The following ZNF799 variants were observed in gnomAD, a reference collection of about 807,000 sequenced individuals.
ZNF799 encodes the protein zinc finger protein 14.
A neutral mutation model predicts 41.0 loss-of-function variants in ZNF799; 28 were observed. The observed-to-expected ratio is 0.68, with a 90% CI of 0.51 to 0.94. The LOEUF is 0.94. Ranked by LOEUF, ZNF799 falls within the 40% of genes least tolerant of loss-of-function variation. The probability of loss-of-function intolerance (pLI) is 0.00; values close to 1 mark genes in which losing one functional copy is unlikely to be tolerated. For synonymous variants in ZNF799, 213 were observed against 252.9 expected, an observed-to-expected ratio of 0.84 and a Z score of 1.50; for missense variants, 716 against 764.3, an observed-to-expected ratio of 0.94 and a Z score of 0.74.
Position 12,390,875 on chromosome 19 carries a change from G to T in ZNF799, c.1523C>A (p.Thr508Lys), listed in dbSNP as rs562148701. 3.7e-5 allele frequency: 60 copies of T among 1,613,786 alleles called. No homozygotes were observed. The East Asian group carries it at 1.3e-3, about 36-fold the overall frequency. ...HTGEKPYECN[T>K]CKKAFSHFGN... ...AAAATGACTGAAGGCTTTCTTACAT[G>T]TGTTACACTCATAAGGTTTCTCTCC... The change falls in exon 4 of 4, where the codon ACA becomes AAA. Residue 508 changes from threonine (T) to lysine (K), a missense_variant. Coordinates refer to ENST00000430385, the MANE Select transcript of ZNF799 (RefSeq NM_001080821.3).
chr19:12,404,442 A>T (rs556289333), upstream of ZNF799, among the ~76,000 whole-genome samples: 47 of 150,464 alleles, frequency 3.1e-4, 1 homozygote, highest in South Asian at 8.7e-3. Context: ...TTTTATTTTT[A>T]TTTTTTTTTG....
chr19:12,408,550 T>C, the ZNF799 span, among the ~76,000 whole-genome samples: 1 of 152,090 alleles, frequency 6.6e-6, no homozygotes, highest in African/African-American at 2.4e-5. Context: ...TTAAATACAA[T>C]GGTATAAAGA....
At chr19:12,393,899 C>G (rs965339601) in intron 1 of ZNF799, 9 of 266,464 alleles carry the variant, frequency 3.4e-5, no homozygotes, top group African/African-American at 1.9e-4. Context: ...GTGGAGTGTG[C>G]CTAAATTGTT....
In ZNF799 at chr19:12,391,358, T is replaced by A. The variant is rs1309390586; in HGVS notation, c.1040A>T (p.Asp347Val). 1.9e-6 allele frequency: 3 copies of A among 1,613,862 alleles called. No homozygotes were observed. Among genetic ancestry groups the A allele is most frequent in the Non-Finnish European group, 1.7e-6 (2 of 1,179,988 alleles). ...ATGACTTTTCAGTGAACTAGGACAA[T>A]CAAAGCCTTTTCCACATATCTTACA... ...HKCKICGKGFDCPSSLKSHER... is the reference protein window; with the variant it reads ...HKCKICGKGFVCPSSLKSHER... Residue 347 changes from aspartate (D) to valine (V), a missense_variant, in exon 4 of 4, where the codon GAT (aspartate) becomes GTT (valine). Asp to Val is a radical substitution (Grantham distance 152). Around this residue, in one of 2 missense-constraint regions of ZNF799, gnomAD observed 698 missense variants for 713.6 expected, o/e 0.98. Transcript: ENST00000430385.
the ZNF799 span, among the ~76,000 whole-genome samples, chr19:12,408,799 C>T: frequency 1.3e-4 from 20 of 152,054 alleles, no homozygotes; most frequent in Non-Finnish European, 2.2e-4. Context: ...TATGGAAGGC[C>T]GAGGTGGGTG....
intron 1 of ZNF799, chr19:12,394,885 C>T (rs990044510): frequency 1.0e-5 from 10 of 984,134 alleles, no homozygotes; most frequent in African/African-American, 3.5e-5. Flanking sequence ...TTTGGCACCC[C>T]GTACTATTAA....
chr19:12,406,155 T>C (rs1166906125), upstream of ZNF799, among the ~76,000 whole-genome samples: 1 of 117,344 alleles, frequency 8.5e-6, no homozygotes, highest in Admixed American at 9.1e-5. Context: ...GGTGACAGAG[T>C]TGGACTCTGT....
intron 1 of ZNF799, among the ~76,000 whole-genome samples, chr19:12,396,361 A>T (rs1265503110): frequency 6.6e-6 from 1 of 152,270 alleles, no homozygotes; most frequent in Non-Finnish European, 1.5e-5. Context: ...ATTAAAAAGT[A>T]GAAATTAACT....
chr19:12,414,282 C>A, the ZNF799 span, among the ~76,000 whole-genome samples: 9 of 152,122 alleles, frequency 5.9e-5, no homozygotes, highest in Non-Finnish European at 8.8e-5. Context: ...GGTTCCAGAC[C>A]CAGACCCTCA....
Position 12,401,075 on chromosome 19 carries a change from C to T in ZNF799, c.-5G>A, listed in dbSNP as rs373387526. ...CCGGCCCAGCACACGCACCATTTCCCGACTTCCGCGGTGTCCCAGGTCCTC... is the reference window on the plus strand; with the variant it reads ...CCGGCCCAGCACACGCACCATTTCCTGACTTCCGCGGTGTCCCAGGTCCTC... On this transcript the variant is annotated 5_prime_UTR_variant, in exon 1 of 4. Transcript: ENST00000430385. The T allele has an allele frequency of 2.4e-5, 39 of 1,613,862 alleles. No individual in the cohort carries two copies. Among genetic ancestry groups the T allele is most frequent in the Non-Finnish European group, 3.1e-5 (36 of 1,179,906 alleles).
chr19:12,391,404 T>G lies in ZNF799; in HGVS notation c.994A>C (p.Thr332Pro), dbSNP rs1336041285. ...GSFQRHMVMH[T>P]RDGPHKCKIC... The stretch of plus-strand genomic sequence containing the variant: ...TTACACTTATGAGGTCCATCTCTCG[T>G]GTGCATTACCATGTGTCTTTGAAAG... Residue 332 changes from threonine (T) to proline (P), a missense_variant, in exon 4 of 4, where the codon ACG becomes CCG. Thr to Pro is a conservative substitution (Grantham distance 38). Coordinates refer to ENST00000430385, the MANE Select transcript of ZNF799 (RefSeq NM_001080821.3). The G allele has an allele frequency of 6.2e-7, 1 of 1,614,080 alleles. No homozygotes were observed. The highest frequency in any genetic ancestry group is 1.3e-5 in the African/African-American group (1 of 74,944).
chr19:12,394,893 T>C (rs561635974), intron 1 of ZNF799: 1 of 982,572 alleles, frequency 1.0e-6, no homozygotes, highest in South Asian at 4.7e-5. Flanking sequence ...CCCGTACTAT[T>C]AACAGAGAGA....
chr19:12,399,299 G>A (rs1018138142), intron 1 of ZNF799, among the ~76,000 whole-genome samples: 4 of 152,104 alleles, frequency 2.6e-5, no homozygotes, highest in African/African-American at 7.2e-5. Context: ...CTACCTCAAC[G>A]GGCAGGTTCT....
intron 1 of ZNF799, chr19:12,400,860 G>A (rs1969970281): frequency 4.8e-6 from 4 of 826,798 alleles, no homozygotes; most frequent in Non-Finnish European, 7.4e-6. Context: ...CGGGGCCGCA[G>A]TCGCCGCGCA....
intron 1 of ZNF799, chr19:12,400,800 A>T: frequency 3.4e-6 from 2 of 589,708 alleles, no homozygotes; most frequent in African/African-American, 2.0e-5. Context: ...ACAGCCGCAC[A>T]ATCTCGGGAG....
chr19:12,392,344 A>G, intron 3 of ZNF799, 138 bp from the exon 4 acceptor site: 1 of 1,334,844 alleles, frequency 7.5e-7, no homozygotes, highest in Admixed American at 2.8e-5. Flanking sequence ...GAATGGATGG[A>G]ATGCTGTGCA....
chr19:12,411,909 A>G, the ZNF799 span, among the ~76,000 whole-genome samples: 3 of 152,120 alleles, frequency 2.0e-5, no homozygotes, highest in Non-Finnish European at 4.4e-5. Context: ...CACTGTGCCC[A>G]GCCCAGCTTC....
upstream of ZNF799, among the ~76,000 whole-genome samples, chr19:12,402,092 T>C (rs1969998217): frequency 6.6e-6 from 1 of 152,260 alleles, no homozygotes; most frequent in Non-Finnish European, 1.5e-5. Flanking sequence ...CGTTTTTGGT[T>C]GTTTGAGATG....
Position 12,401,123 on chromosome 19 carries a change from C to G in ZNF799, c.-53G>C. On this transcript the variant is annotated 5_prime_UTR_variant, in exon 1 of 4. Transcript: ENST00000430385. ...CTCCGGACGGCTCCCGCTGCCAATGCGGGTTCCCGCGGGACACAGGCTGCC... is the reference window on the plus strand; with the variant it reads ...CTCCGGACGGCTCCCGCTGCCAATGGGGGTTCCCGCGGGACACAGGCTGCC... The G allele has an allele frequency of 1.9e-6, 3 of 1,612,846 alleles. No individual in the cohort carries two copies. Among genetic ancestry groups the G allele is most frequent in the East Asian group, 4.5e-5 (2 of 44,884 alleles).
Sources: allele counts gnomAD v4.1 joint callset (sites outside exome capture counted in the v4.1 genomes callset), GRCh38; gene constraint gnomAD v4.1.1; regional missense constraint gnomAD v4.1.1; transcripts MANE v1.5; gene names NCBI Gene and HGNC (gene_info 2026-07-23, HGNC 2026-07-21).